Variants in ERCC6 observed in about 807,000 individuals in gnomAD.
ERCC6 encodes ERCC excision repair 6, chromatin remodeling factor, also known as DNA excision repair protein ERCC-6.
In ERCC6, 116 loss-of-function variants were observed where a neutral mutation model predicts 158.7. The ratio of observed to expected loss-of-function variants is 0.73; its 90% CI spans 0.63 to 0.85. The LOEUF (loss-of-function observed/expected upper bound fraction) is 0.85, where lower values mean the gene tolerates loss of function less well. ERCC6 is among the 40% of genes least tolerant of loss of function. The probability of loss-of-function intolerance (pLI) is 0.00; values close to 1 mark genes in which losing one functional copy is unlikely to be tolerated. For missense variants in ERCC6, 1,698 were observed against 1,799.4 expected (o/e 0.94, Z 1.02); for synonymous variants, 678 against 659.3 (o/e 1.03, Z -0.43).
intron 8 of ERCC6, among the ~76,000 whole-genome samples, chr10:49,487,558 A>T (rs1317234089): frequency 6.6e-6 from 1 of 151,558 alleles, no homozygotes; most frequent in African/African-American, 2.4e-5. Context: ...CTGCCCAGAG[A>T]AAAACCATCC....
At chr10:49,438,008 ATACTG>A in the ERCC6 span, among the ~76,000 whole-genome samples, 1 of 152,224 alleles carries the variant, frequency 6.6e-6, no homozygotes, top group Non-Finnish European at 1.5e-5. Context: ...AATAGTTGTC[ATACTG>A]TATTGTTTTT....
intron 1 of ERCC6, among the ~76,000 whole-genome samples, chr10:49,536,555 C>T (rs1354683155): frequency 6.6e-6 from 1 of 152,146 alleles, no homozygotes; most frequent in African/African-American, 2.4e-5. Flanking sequence ...GCAAGTTGGG[C>T]AGTTCCTGAG....
intron 5 of ERCC6, chr10:49,515,384 T>C: frequency 1.2e-6 from 2 of 1,614,006 alleles, no homozygotes; most frequent in Non-Finnish European, 1.7e-6. Context: ...CAACATCACA[T>C]TTTTCACATC....
chr10:49,500,086 T>C (rs948483810), intron 7 of ERCC6, among the ~76,000 whole-genome samples: 2 of 152,192 alleles, frequency 1.3e-5, no homozygotes, highest in Non-Finnish European at 1.5e-5. Flanking sequence ...TCCCCATGAA[T>C]AGACTTTGTA....
rs544296985 is a variant in ERCC6, at chr10:49,474,285, TAAAGTA to T, written c.2383-49_2383-44del. The T allele has an allele frequency of 4.0e-4, 601 of 1,486,050 alleles. 11 individuals are homozygous for T. In the South Asian group the frequency reaches 6.5e-3, roughly 16 times the overall value. 92.1% of individuals were successfully genotyped at this position (1,486,050 alleles called of 1,614,324 possible). On this transcript the variant is annotated intron_variant, in intron 12 of 20. Transcript: ENST00000355832. ...ACATGTACACTCAGATGACCCCATG[TAAAGTA>T]AGATTCCCTAGGCAAGGAGGCTGTT...
intron 1 of ERCC6, among the ~76,000 whole-genome samples, chr10:49,535,990 C>T (rs1396117112): frequency 2.0e-5 from 3 of 152,170 alleles, no homozygotes; most frequent in Non-Finnish European, 4.4e-5. Context: ...GTGGTGCATG[C>T]CTGTAATCCC....
chr10:49,470,459 A>G lies in ERCC6; in HGVS notation c.3501T>C (p.Ala1167=), dbSNP rs1850755679. 4 of 1,614,144 alleles carry G rather than the reference A, an allele frequency of 2.5e-6. No homozygotes were observed. The South Asian group carries it at 3.3e-5, about 13-fold the overall frequency. ...TTTCCATTTGTTTATTCTCCCAAAA[A>G]GCTTCTGTTTGAGCCTGGCTGGGTC... The part of the protein sequence containing the change: ...RERPSQAQTE[A]FWENKQMENN... The change falls in exon 18 of 21, where the codon GCT becomes GCC. Residue 1167 remains alanine (A), a synonymous_variant. Transcript: ENST00000355832.
In ERCC6 at chr10:49,470,768, A is replaced by C. The variant is rs770234264; in HGVS notation, c.3192T>G (p.Asn1064Lys). The C allele has an allele frequency of 6.2e-7, 1 of 1,614,168 alleles. No individual in the cohort carries two copies. Among genetic ancestry groups the C allele is most frequent in the Non-Finnish European group, 8.5e-7 (1 of 1,180,042 alleles). ...ATTTCTCTTCAGATGATGTGGCATC[A>C]TTTACAGATATGTTAGAAGCAGGGA... The part of the protein sequence containing the change: ...KKFPASNISV[N>K]DATSSEEKSE... Residue 1064 changes from asparagine (N) to lysine (K), a missense_variant, in exon 18 of 21, where the codon AAT becomes AAG. Asn to Lys is a moderately conservative substitution (Grantham distance 94). Coordinates refer to ENST00000355832, the MANE Select transcript of ERCC6 (RefSeq NM_000124.4).
intron 7 of ERCC6, 111 bp from the exon 8 acceptor site, chr10:49,493,363 T>C: frequency 7.8e-7 from 1 of 1,290,086 alleles, no homozygotes. Context: ...AAAAAAACAA[T>C]GCTAACTATG....
At chr10:49,472,508 T>C (rs1447727506) in intron 15 of ERCC6, 38 bp from the exon 16 acceptor site, 1 of 1,598,158 alleles carries the variant, frequency 6.3e-7, no homozygotes, top group Admixed American at 1.7e-5. Flanking sequence ...ACGAGAATCC[T>C]TCCCAATGAC....
intron 5 of ERCC6, among the ~76,000 whole-genome samples, chr10:49,513,103 C>T (rs1238143809): frequency 6.6e-6 from 1 of 152,190 alleles, no homozygotes; most frequent in African/African-American, 2.4e-5. Context: ...CTAATACTTA[C>T]GGAGTGCCTG....
chr10:49,459,776 C>A (rs550674343), intron 20 of ERCC6, among the ~76,000 whole-genome samples: 2 of 152,284 alleles, frequency 1.3e-5, no homozygotes, highest in East Asian at 3.9e-4. Flanking sequence ...GCTAAAAGCA[C>A]AGAACATGGG....
intron 8 of ERCC6, among the ~76,000 whole-genome samples, chr10:49,486,295 C>T (rs1363107334): frequency 1.3e-5 from 2 of 152,134 alleles, no homozygotes; most frequent in African/African-American, 4.8e-5. Context: ...ATCAGACCTC[C>T]TTTCAACAGT....
chr10:49,507,154 A>C (rs1418346866), intron 5 of ERCC6, among the ~76,000 whole-genome samples: 1 of 152,144 alleles, frequency 6.6e-6, no homozygotes, highest in East Asian at 1.9e-4. Context: ...GCCCAATGCT[A>C]GTATGTAGGT....
intron 18 of ERCC6, among the ~76,000 whole-genome samples, chr10:49,468,840 T>A (rs1489833612): frequency 1.3e-5 from 2 of 152,104 alleles, no homozygotes; most frequent in Non-Finnish European, 2.9e-5. Context: ...TATATTAGTA[T>A]GCCAAGAAGA....
downstream of ERCC6, among the ~76,000 whole-genome samples, chr10:49,450,941 A>G (rs1850412787): frequency 6.6e-6 from 1 of 151,802 alleles, no homozygotes; most frequent in Admixed American, 6.6e-5. Flanking sequence ...CCTCCCAAGT[A>G]GCTGGGACTA....
At chr10:49,523,814 T>A (rs555355606) in intron 5 of ERCC6, among the ~76,000 whole-genome samples, 2 of 152,078 alleles carry the variant, frequency 1.3e-5, no homozygotes, top group Admixed American at 1.3e-4. Flanking sequence ...TGCCTCCAAA[T>A]CCAACTAAAG....
chr10:49,526,713 G>C (rs1389882659), intron 4 of ERCC6, among the ~76,000 whole-genome samples: 1 of 152,174 alleles, frequency 6.6e-6, no homozygotes, highest in Non-Finnish European at 1.5e-5. Flanking sequence ...TGCCGGAGAT[G>C]AATTTCAACT....
chr10:49,515,526 G>C, intron 5 of ERCC6: 2 of 1,614,122 alleles, frequency 1.2e-6, no homozygotes, highest in Non-Finnish European at 1.7e-6. Flanking sequence ...AGGTTCTGGA[G>C]GATGACCATG....
Sources: gnomAD v4.1 joint callset for allele counts (sites outside exome capture counted in the v4.1 genomes callset) on GRCh38, gnomAD v4.1.1 for gene constraint, MANE v1.5 for transcripts, NCBI Gene and HGNC (gene_info 2026-07-23, HGNC 2026-07-21) for gene names.